SYNE2: variants seen among roughly 807,000 people sequenced by gnomAD.
The protein encoded by SYNE2 is nesprin-2.
In SYNE2, 431 loss-of-function variants were observed where a neutral mutation model predicts 856.3. The ratio of observed to expected loss-of-function variants is 0.50; its 90% CI spans 0.47 to 0.55. The LOEUF is 0.55. SYNE2 is among the 20% of genes least tolerant of loss of function. SYNE2 has a pLI of 0.00. For synonymous variants in SYNE2, 2,923 were observed against 2,872.3 expected, an observed-to-expected ratio of 1.02 and a Z score of -0.56; for missense variants, 8,129 against 8,023.2, an observed-to-expected ratio of 1.01 and a Z score of -0.50.
chr14:64,173,772 A>T (rs1310697530), intron 94 of SYNE2: 1 of 518,626 alleles, frequency 1.9e-6, no homozygotes, highest in Non-Finnish European at 3.4e-6. Flanking sequence ...CCAGGAAAAC[A>T]TATTTAGAAC....
At chr14:63,812,249 A>G (rs1888642692) in intron 1 of SYNE2, among the ~76,000 whole-genome samples, 1 of 152,184 alleles carries the variant, frequency 6.6e-6, no homozygotes, top group Admixed American at 6.5e-5. Flanking sequence ...CTTGCTAGGA[A>G]AAGAATTCAG....
chr14:63,940,835 G>C (rs1292222723), intron 3 of SYNE2, among the ~76,000 whole-genome samples, 160 bp downstream of exon 3: 1 of 152,140 alleles, frequency 6.6e-6, no homozygotes, highest in Non-Finnish European at 1.5e-5. Flanking sequence ...AAGTTGTCTT[G>C]ATCTTGTTTT....
At chr14:64,153,540 G>A (rs886521300) in intron 85 of SYNE2, among the ~76,000 whole-genome samples, 4 of 152,132 alleles carry the variant, frequency 2.6e-5, no homozygotes, top group Non-Finnish European at 5.9e-5. Flanking sequence ...GAAATCCATA[G>A]GCAACACTCA....
chr14:63,983,483 T>C (rs1038632483), intron 17 of SYNE2, among the ~76,000 whole-genome samples: 1 of 152,214 alleles, frequency 6.6e-6, no homozygotes, highest in African/African-American at 2.4e-5. Context: ...ATTGAGAACA[T>C]ACACTGAGCC....
At chr14:64,001,770 C>T (rs993070475) in intron 28 of SYNE2, among the ~76,000 whole-genome samples, 164 bp from the exon 29 acceptor site, 1 of 152,154 alleles carries the variant, frequency 6.6e-6, no homozygotes, top group Non-Finnish European at 1.5e-5. Flanking sequence ...CATTTTGAAT[C>T]GATGGGTTTA....
rs775505618 is a variant in SYNE2, at chr14:64,091,059, T to G, written c.11976+11T>G. 6.2e-7 allele frequency: 1 copy of G among 1,612,808 alleles called. No individual in the cohort carries two copies. Reference sequence around the variant, plus strand: ...AATGAGTTATTAAAGGTAAGCAGTTTCTGATGACATCCAACTTACTGGATG... The same window carrying G: ...AATGAGTTATTAAAGGTAAGCAGTTGCTGATGACATCCAACTTACTGGATG... On this transcript the variant is annotated intron_variant, in intron 60 of 115. Transcript: ENST00000555002.
At chr14:63,776,930 T>G (rs1470544446) in intron 1 of SYNE2, among the ~76,000 whole-genome samples, 3 of 152,202 alleles carry the variant, frequency 2.0e-5, no homozygotes, top group Non-Finnish European at 4.4e-5. Flanking sequence ...CCAAAGATTA[T>G]TTTTGTACAC....
chr14:64,167,648 G>T lies in SYNE2; in HGVS notation c.16905+9G>T, dbSNP rs994226716. The stretch of plus-strand genomic sequence containing the variant: ...AGCAGAAAACCTATAAGGTAAACCT[G>T]TGTTCTCTGCCACCCTTGAACCGCT... On this transcript the variant is annotated intron_variant, in intron 92 of 115. Coordinates refer to ENST00000555002, the MANE Select transcript of SYNE2 (RefSeq NM_182914.3). 1.9e-6 allele frequency: 3 copies of T among 1,614,166 alleles called. No homozygotes were observed. Among genetic ancestry groups the T allele is most frequent in the Non-Finnish European group, 1.7e-6 (2 of 1,180,012 alleles).
At chr14:63,942,240 C>T in intron 6 of SYNE2, 97 bp downstream of exon 6, 1 of 784,252 alleles carries the variant, frequency 1.3e-6, no homozygotes, top group Admixed American at 2.0e-5. Flanking sequence ...CAGTCCTGAG[C>T]TTCTCCTATA....
chr14:63,820,899 AC>A (rs1889188490), intron 1 of SYNE2, among the ~76,000 whole-genome samples: 1 of 151,906 alleles, frequency 6.6e-6, no homozygotes, highest in South Asian at 2.1e-4. Context: ...ACAGGTGAGC[AC>A]CACAACACCC....
intron 53 of SYNE2, 132 bp downstream of exon 53, chr14:64,074,268 A>G: frequency 2.3e-6 from 2 of 888,056 alleles, no homozygotes; most frequent in South Asian, 2.7e-5. Context: ...AGGCATAGGC[A>G]AAGGCCCTGT....
At chr14:63,790,534 C>T (rs544281561) in intron 1 of SYNE2, among the ~76,000 whole-genome samples, 5 of 152,108 alleles carry the variant, frequency 3.3e-5, no homozygotes, top group Non-Finnish European at 5.9e-5. Flanking sequence ...TCAGAAAAAA[C>T]AATACAGCTG....
chr14:63,905,666 A>T (rs1294268042), intron 1 of SYNE2, among the ~76,000 whole-genome samples: 1 of 152,204 alleles, frequency 6.6e-6, no homozygotes, highest in Non-Finnish European at 1.5e-5. Context: ...AAACCCTTCT[A>T]AAATCACATA....
chr14:63,852,051 G>A (rs1007365283), upstream of SYNE2, among the ~76,000 whole-genome samples: 9 of 139,496 alleles, frequency 6.5e-5, no homozygotes, highest in East Asian at 1.9e-3. Context: ...TTGAGACCAG[G>A]AGGTAGAGGC....
intron 63 of SYNE2, among the ~76,000 whole-genome samples, chr14:64,100,532 AT>A (rs1317118823): frequency 0.096 from 4,087 of 42,656 alleles, 314 homozygotes; most frequent in East Asian, 0.15. Context: ...AAAAAAAAAA[AT>A]ATATATATAT....
At chr14:64,077,765 G>C (rs1437364648) in intron 54 of SYNE2, among the ~76,000 whole-genome samples, 2 of 152,098 alleles carry the variant, frequency 1.3e-5, no homozygotes, top group Non-Finnish European at 2.9e-5. Flanking sequence ...CAGGTATTTG[G>C]AAAGTGATAC....
At chr14:63,815,106 A>ATATATAT (rs1888876915) in intron 1 of SYNE2, among the ~76,000 whole-genome samples, 4 of 126,412 alleles carry the variant, frequency 3.2e-5, no homozygotes, top group South Asian at 2.6e-4. Context: ...ATATATCCAC[A>ATATATAT]CATATATCCA....
rs2097717790 is a variant in SYNE2 at position 64,100,534 on chromosome 14, ATATATATATATATATATAT to A, written c.12382-1397_12382-1379del. 1.8e-3 allele frequency among the ~76,000 whole-genome samples: 82 copies of A among 46,612 alleles called. 1 individual carries two copies. The highest frequency in any genetic ancestry group is 2.7e-3 in the Admixed American group (11 of 4,058). The allele number at this position is 46,612 out of a possible 152,430, so 30.6% of individuals were successfully genotyped here. ...TGTCTCAAAAAAAAAAAAAAAAAAT[ATATATATATATATATATAT>A]ATATATATATATATATATTTATGAC... On this transcript the variant is annotated intron_variant, in intron 63 of 115. Coordinates refer to ENST00000555002, the MANE Select transcript of SYNE2 (RefSeq NM_182914.3).
intron 55 of SYNE2, 95 bp downstream of exon 55, chr14:64,078,701 T>G (rs2097491603): frequency 1.4e-6 from 2 of 1,465,594 alleles, no homozygotes; most frequent in East Asian, 4.6e-5. Flanking sequence ...TTTGAATTAA[T>G]CTGAAGCACA....
Sources: gnomAD v4.1 joint callset for allele counts (sites outside exome capture counted in the v4.1 genomes callset) on GRCh38, gnomAD v4.1.1 for gene constraint, MANE v1.5 for transcripts, NCBI Gene and HGNC (gene_info 2026-07-23, HGNC 2026-07-21) for gene names.